Variants in SMARCC1 observed in about 807,000 individuals in gnomAD.
SMARCC1 encodes SWI/SNF complex subunit SMARCC1.
A neutral mutation model predicts 147.4 loss-of-function variants in SMARCC1; 43 were observed. That is an observed-to-expected ratio of 0.29 (90% confidence interval 0.23 to 0.38). The LOEUF (loss-of-function observed/expected upper bound fraction) is 0.38, where lower values mean the gene tolerates loss of function less well. Ranked by LOEUF, SMARCC1 falls within the 10% of genes least tolerant of loss-of-function variation. The pLI is 1.00. For missense variants in SMARCC1, 1,119 were observed against 1,381.1 expected, an observed-to-expected ratio of 0.81 and a Z score of 3.01; for synonymous variants, 495 against 484.4, an observed-to-expected ratio of 1.02 and a Z score of -0.29.
Position 47,706,459 on chromosome 3 carries a change from C to T in SMARCC1, c.990G>A (p.Ser330=), listed in dbSNP as rs534717893. 61 of 1,578,052 alleles carry T rather than the reference C, an allele frequency of 3.9e-5. No homozygotes were observed. The highest frequency in any genetic ancestry group is 1.5e-4 in the Admixed American group (8 of 52,768). The change falls in exon 10 of 28, where the codon TCG becomes TCA. Residue 330 remains serine (S), a synonymous_variant. Transcript: ENST00000254480. ...ATTCTGTTGGTGTCGGAGGGGGAGGCGAAGGCGAATGTTTCCTCTTTCGAG... is the reference window on the plus strand; with the variant it reads ...ATTCTGTTGGTGTCGGAGGGGGAGGTGAAGGCGAATGTTTCCTCTTTCGAG... ...ANARKRKHSP[S]PPPPTPTESR... is the part of the protein sequence containing the mutation.
chr3:47,626,946 C>T (rs2032819544), intron 24 of SMARCC1, among the ~76,000 whole-genome samples: 2 of 152,192 alleles, frequency 1.3e-5, no homozygotes, highest in Non-Finnish European at 2.9e-5. Flanking sequence ...ATGAAGCCGT[C>T]TCAGACCTTC....
chr3:47,708,083 C>CTTTTTTCTTTT (rs2034032931), intron 9 of SMARCC1, among the ~76,000 whole-genome samples: 1 of 64,278 alleles, frequency 1.6e-5, no homozygotes, highest in African/African-American at 6.6e-5. Flanking sequence ...AATTTTTTTT[C>CTTTTTTCTTTT]TTTTTTTTTT....
At chr3:47,631,671 C>T (rs1282095425) in intron 24 of SMARCC1, among the ~76,000 whole-genome samples, 1 of 152,206 alleles carries the variant, frequency 6.6e-6, no homozygotes, top group African/African-American at 2.4e-5. Flanking sequence ...CATGCCACCT[C>T]ATCTGTTTAG....
intron 14 of SMARCC1, among the ~76,000 whole-genome samples, chr3:47,683,220 G>A (rs997722876): frequency 6.6e-6 from 1 of 151,318 alleles, no homozygotes; most frequent in Non-Finnish European, 1.5e-5. Context: ...TTTTTTTTTC[G>A]TATTTTTAGC....
At chr3:47,677,114 C>G (rs968328923) in intron 16 of SMARCC1, among the ~76,000 whole-genome samples, 2 of 152,054 alleles carry the variant, frequency 1.3e-5, no homozygotes, top group Admixed American at 1.3e-4. Context: ...CCGCATTTTT[C>G]GTGACAGAGT....
chr3:47,723,486 A>C (rs961283932), intron 6 of SMARCC1, among the ~76,000 whole-genome samples: 2 of 151,520 alleles, frequency 1.3e-5, no homozygotes, highest in Non-Finnish European at 1.5e-5. Flanking sequence ...AAAAAAAAAA[A>C]TTTAAAAGGC....
At chr3:47,594,883 G>T (rs1306731908) in intron 26 of SMARCC1, among the ~76,000 whole-genome samples, 1 of 152,176 alleles carries the variant, frequency 6.6e-6, no homozygotes, top group African/African-American at 2.4e-5. Context: ...ATATGCTGCA[G>T]CACAGCAGGT....
At chr3:47,618,337 T>C (rs868761334) in intron 25 of SMARCC1, among the ~76,000 whole-genome samples, 1 of 151,254 alleles carries the variant, frequency 6.6e-6, no homozygotes. Flanking sequence ...AGGCAAGGAG[T>C]TTGAGACCAG....
chr3:47,667,082 C>T (rs890264098), intron 19 of SMARCC1, among the ~76,000 whole-genome samples: 19 of 151,920 alleles, frequency 1.3e-4, no homozygotes, highest in African/African-American at 4.4e-4. Context: ...CTTTGGGATG[C>T]TGAGGTGGGC....
chr3:47,758,106 T>C (rs538879738), intron 2 of SMARCC1, among the ~76,000 whole-genome samples: 2 of 152,090 alleles, frequency 1.3e-5, no homozygotes, highest in Admixed American at 1.3e-4. Context: ...ATACAGCAAC[T>C]GTTGGCAAAT....
At chr3:47,631,068 A>T (rs1478712556) in intron 24 of SMARCC1, among the ~76,000 whole-genome samples, 1 of 152,040 alleles carries the variant, frequency 6.6e-6, no homozygotes, top group Non-Finnish European at 1.5e-5. Context: ...CTGACAAAGC[A>T]AGCAAGCAAG....
In SMARCC1 at chr3:47,781,608, T is replaced by G; in HGVS notation, c.190A>C (p.Lys64Gln). Residue 64 changes from lysine (K) to glutamine (Q), a missense_variant, in exon 1 of 28, where the codon AAG (lysine) becomes CAG (glutamine). Transcript: ENST00000254480. Reference sequence around the variant, plus strand: ...CCACGGGCGCGCGAACCCACCTTCTTGTAGTGCTTGCCCAGCCAGACCCGC... The same window carrying G: ...CCACGGGCGCGCGAACCCACCTTCTGGTAGTGCTTGCCCAGCCAGACCCGC... ...SVRVWLGKHY[K>Q]KYVHADAPTN... 1 of 1,544,286 alleles carries G rather than the reference T, an allele frequency of 6.5e-7. No homozygotes were observed. Among genetic ancestry groups the G allele is most frequent in the Non-Finnish European group, 8.7e-7 (1 of 1,149,966 alleles).
At chr3:47,773,316 G>C (rs534915789) in intron 1 of SMARCC1, among the ~76,000 whole-genome samples, 2 of 151,470 alleles carry the variant, frequency 1.3e-5, no homozygotes, top group East Asian at 3.9e-4. Context: ...TAGTAGAGAC[G>C]GGGTTTCACC....
rs2033121030 is a variant in SMARCC1, at chr3:47,646,333, C to T, written c.2321-7553G>A. 2.0e-5 allele frequency among the ~76,000 whole-genome samples: 3 copies of T among 152,164 alleles called. No homozygotes were observed. The South Asian group carries it at 6.2e-4, about 32-fold the overall frequency. On this transcript the variant is annotated intron_variant, in intron 21 of 27. Coordinates refer to ENST00000254480, the MANE Select transcript of SMARCC1 (RefSeq NM_003074.4). ...TGAATCATAAACACTTAGGAGGCTG[C>T]AGCCTCTCCATGTATCTCATGTCAT... is the stretch of plus-strand genomic sequence containing the variant.
chr3:47,678,631 T>A (rs1576408702), intron 15 of SMARCC1, among the ~76,000 whole-genome samples: 1 of 152,246 alleles, frequency 6.6e-6, no homozygotes, highest in Non-Finnish European at 1.5e-5. Context: ...GCTATCTGCC[T>A]CACTACCACA....
At chr3:47,728,608 T>C (rs1181543699) in intron 6 of SMARCC1, among the ~76,000 whole-genome samples, 1 of 152,136 alleles carries the variant, frequency 6.6e-6, no homozygotes, top group Admixed American at 6.6e-5. Context: ...CTACTACATC[T>C]TTTAAAAGTT....
At chr3:47,625,278 G>A (rs1183369189) in intron 24 of SMARCC1, among the ~76,000 whole-genome samples, 1 of 150,930 alleles carries the variant, frequency 6.6e-6, no homozygotes, top group African/African-American at 2.4e-5. Context: ...TGGCCAACAT[G>A]GCAAAATCCC....
intron 2 of SMARCC1, among the ~76,000 whole-genome samples, chr3:47,772,387 T>C (rs1208676165): frequency 6.6e-6 from 1 of 152,184 alleles, no homozygotes; most frequent in Non-Finnish European, 1.5e-5. Context: ...AACAAGATCC[T>C]GTCTGTAAAA....
intron 2 of SMARCC1, among the ~76,000 whole-genome samples, chr3:47,769,470 G>A (rs970629884): frequency 4.0e-5 from 6 of 151,520 alleles, no homozygotes; most frequent in African/African-American, 1.2e-4. Context: ...CTCGTGATCC[G>A]CCCTCCTCAG....
Sources: gnomAD v4.1 joint callset for allele counts (sites outside exome capture counted in the v4.1 genomes callset) on GRCh38, gnomAD v4.1.1 for gene constraint, MANE v1.5 for transcripts, NCBI Gene and HGNC (gene_info 2026-07-23, HGNC 2026-07-21) for gene names.